The following CHAF1A variants were observed in gnomAD, a reference collection of about 807,000 sequenced individuals.
CHAF1A encodes CAF-1 subunit A.
A neutral mutation model predicts 93.2 loss-of-function variants in CHAF1A; 5 were observed. The ratio of observed to expected loss-of-function variants is 0.05; its 90% CI spans 0.03 to 0.11. The LOEUF (loss-of-function observed/expected upper bound fraction) is 0.11. Among genes scored for constraint, CHAF1A ranks in the 10% least tolerant of loss-of-function variants. The pLI is 1.00. For synonymous variants in CHAF1A, 504 were observed against 510.3 expected, an observed-to-expected ratio of 0.99 and a Z score of 0.17; for missense variants, 1,102 against 1,259.9, an observed-to-expected ratio of 0.87 and a Z score of 1.90.
At chr19:4,446,602 T>C (rs778453571), downstream of CHAF1A, 15 of 1,612,578 alleles carry the variant, frequency 9.3e-6, no homozygotes, top group Non-Finnish European at 8.5e-7. Flanking sequence ...GACGCGGCGC[T>C]GCCTGTCCAG....
At position 4,409,332 on chromosome 19, in the gene CHAF1A, A is replaced by G; in HGVS notation, c.533A>G (p.Asp178Gly). 6 of 1,614,142 alleles carry G rather than the reference A, an allele frequency of 3.7e-6. No homozygotes were observed. The highest frequency in any genetic ancestry group is 5.1e-6 in the Non-Finnish European group (6 of 1,180,016). ...KLAFPGETLS[D>G]IPCKTEEEGV... ...GCATTTCCTGGAGAGACCCTTTCAG[A>G]CATTCCTTGCAAAACAGAGGAGGAG... Residue 178 changes from aspartate to glycine, a missense_variant, in exon 3 of 15, where the codon GAC becomes GGC. Asp to Gly is a moderately conservative substitution (Grantham distance 94). Coordinates refer to ENST00000301280, the MANE Select transcript of CHAF1A (RefSeq NM_005483.3).
rs778846862 is a variant in CHAF1A, at chr19:4,422,836, T to C, written c.1247+41T>C. The C allele has an allele frequency of 6.3e-7, 1 of 1,588,474 alleles. No homozygotes were observed. The highest frequency in any genetic ancestry group is 1.1e-5 in the South Asian group (1 of 90,156). ...GGCCATGCTGGGCCCGCCACCCTGC[T>C]GCTGGATTCCGCTCCTGGCCACTCT... On this transcript the variant is annotated intron_variant, in intron 5 of 14. Transcript: ENST00000301280. The surrounding 1 kb of genome is among the most constrained non-coding windows in gnomAD (Gnocchi z 4.6).
rs1489967314 is a variant in CHAF1A, at chr19:4,402,748, G to C, written c.-15G>C. On this transcript the variant is annotated 5_prime_UTR_variant, in exon 1 of 15. Coordinates refer to ENST00000301280, the MANE Select transcript of CHAF1A (RefSeq NM_005483.3). ...CCTCCGCCGCCTGAGAGGAGGTCGA[G>C]CTGCCGCCGGGGCGATGCTGGAGGA... 3 of 1,201,742 alleles carry C rather than the reference G, an allele frequency of 2.5e-6. No individual in the cohort carries two copies. The highest frequency in any genetic ancestry group is 3.2e-5 in the African/African-American group (2 of 63,098). 74.4% of individuals were successfully genotyped at this position (1,201,742 alleles called of 1,614,324 possible). A position where few individuals can be genotyped will look rare whatever the true frequency, so the allele number is the denominator to read the frequency against.
chr19:4,429,226 C>T, intron 8 of CHAF1A: 1 of 622,900 alleles, frequency 1.6e-6, no homozygotes. Flanking sequence ...ACCTGGGCAG[C>T]TGTCCTCCCT....
chr19:4,433,415 A>C lies in CHAF1A; in HGVS notation c.2549A>C (p.Lys850Thr). The C allele has an allele frequency of 3.7e-6, 6 of 1,612,272 alleles. No individual in the cohort carries two copies. The highest frequency in any genetic ancestry group is 5.1e-6 in the Non-Finnish European group (6 of 1,178,672). The part of the protein sequence containing the change: ...SYVTSVPSAP[K>T]EDSGSVPSTG... ...GTGACATCGGTGCCCTCGGCCCCCAAAGAGGACAGTGGCAGCGTCCCCTCC... is the reference window on the plus strand; with the variant it reads ...GTGACATCGGTGCCCTCGGCCCCCACAGAGGACAGTGGCAGCGTCCCCTCC... The change falls in exon 13 of 15, where the codon AAA becomes ACA. Residue 850 changes from lysine (K) to threonine (T), a missense_variant. This residue lies in a region of CHAF1A where 76 missense variants were observed against 129.8 expected (regional missense o/e 0.59). Transcript: ENST00000301280. The surrounding 1 kb of genome is among the most constrained non-coding windows in gnomAD (Gnocchi z 5.6).
At chr19:4,423,765 C>T (rs374335815) in intron 6 of CHAF1A, 41 bp from the exon 7 acceptor site, 203 of 1,591,508 alleles carry the variant, frequency 1.3e-4, no homozygotes, top group Middle Eastern at 1.7e-4. Context: ...TACTGTTCCT[C>T]TTCCTCTCCT....
intron 1 of CHAF1A, among the ~76,000 whole-genome samples, chr19:4,405,624 A>ATT (rs900321444): frequency 1.4e-5 from 2 of 144,200 alleles, no homozygotes; most frequent in Non-Finnish European, 3.1e-5. Context: ...AAAAAAAAAA[A>ATT]TTTTTTTTTT....
rs1235053260 is a variant in CHAF1A, at chr19:4,433,571, C to T, written c.2673+32C>T. The T allele has an allele frequency of 6.8e-7, 1 of 1,461,244 alleles. No individual in the cohort carries two copies. Among genetic ancestry groups the T allele is most frequent in the Non-Finnish European group, 9.2e-7 (1 of 1,081,688 alleles). The allele number at this position is 1,461,244 out of a possible 1,614,324, so 90.5% of individuals were successfully genotyped here. On this transcript the variant is annotated intron_variant, in intron 13 of 14. Coordinates refer to ENST00000301280, the MANE Select transcript of CHAF1A (RefSeq NM_005483.3). This position sits in a 1 kb window ranked among gnomAD's most constrained non-coding sequence, Gnocchi z 5.6. ...TGGGGTGGGCAGGTGGGGGCCTCTG[C>T]AGGGCTTTTCTTTTTTTGTTTGTTT...
At chr19:4,424,617 A>G (rs1008881560) in intron 7 of CHAF1A, among the ~76,000 whole-genome samples, 7 of 151,810 alleles carry the variant, frequency 4.6e-5, no homozygotes, top group African/African-American at 1.7e-4. Context: ...GGCATGTGCC[A>G]CCATGCCTGG....
rs1039068901 is a variant in CHAF1A at position 4,434,060 on chromosome 19, C to T, written c.2673+521C>T. ...TGGTGCATTGGTTACAATCAGTGCACCTCAGGCCAGGCACTGTGGCTCACG... is the reference window on the plus strand; with the variant it reads ...TGGTGCATTGGTTACAATCAGTGCATCTCAGGCCAGGCACTGTGGCTCACG... On this transcript the variant is annotated intron_variant, in intron 13 of 14. Transcript: ENST00000301280. Among the ~76,000 whole-genome samples the T allele has an allele frequency of 3.0e-3, 456 of 152,200 alleles. 13 individuals are homozygous for T. The highest frequency in any genetic ancestry group is 5.1e-4 in the Non-Finnish European group (35 of 68,010).
intron 2 of CHAF1A, 140 bp from the exon 3 acceptor site, chr19:4,408,763 C>A: frequency 9.1e-7 from 1 of 1,097,914 alleles, no homozygotes; most frequent in Non-Finnish European, 1.3e-6. Context: ...CATGAGCCAC[C>A]ACACCCGGCC....
intron 12 of CHAF1A, 97 bp downstream of exon 12, chr19:4,432,304 A>C: frequency 7.3e-7 from 1 of 1,363,846 alleles, no homozygotes; most frequent in Non-Finnish European, 9.8e-7. Flanking sequence ...CCGTGATGCA[A>C]ATGTTCTTTC....
At chr19:4,411,823 T>C (rs1160968424) in intron 3 of CHAF1A, among the ~76,000 whole-genome samples, 10 of 151,414 alleles carry the variant, frequency 6.6e-5, no homozygotes, top group African/African-American at 2.4e-4. Flanking sequence ...AATTTTTGTA[T>C]CTTTTCAGTA....
intron 7 of CHAF1A, among the ~76,000 whole-genome samples, chr19:4,428,458 C>A (rs986817503): frequency 1.3e-5 from 2 of 152,166 alleles, no homozygotes; most frequent in African/African-American, 2.4e-5. Context: ...TCTGTCCCCC[C>A]ACCGCCGGCC....
rs376848664 is a variant in CHAF1A at position 4,428,771 on chromosome 19, G to A, written c.1485G>A (p.Leu495=). Residue 495 remains leucine, a synonymous_variant, in exon 8 of 15, where the codon CTG becomes CTA. Coordinates refer to ENST00000301280, the MANE Select transcript of CHAF1A (RefSeq NM_005483.3). ...TCCATCCAGACCTCTGCAGTCAGCTGGACCAGCTCCTCCAGCAGCAGAGCG... is the reference window on the plus strand; with the variant it reads ...TCCATCCAGACCTCTGCAGTCAGCTAGACCAGCTCCTCCAGCAGCAGAGCG... The part of the protein sequence containing the change: ...TAFHPDLCSQ[L]DQLLQQQSGE... The A allele has an allele frequency of 4.3e-6, 7 of 1,614,026 alleles. No homozygotes were observed. In the South Asian group the frequency reaches 5.5e-5, roughly 13 times the overall value.
At chr19:4,446,538 G>A (rs1245318782), downstream of CHAF1A, 10 of 1,611,944 alleles carry the variant, frequency 6.2e-6, no homozygotes, top group Non-Finnish European at 7.6e-6. Context: ...CTGCTGTGAG[G>A]TTGAAGAAGT....
At chr19:4,424,717 G>A (rs896405943) in intron 7 of CHAF1A, among the ~76,000 whole-genome samples, 2 of 152,056 alleles carry the variant, frequency 1.3e-5, no homozygotes, top group Non-Finnish European at 2.9e-5. Flanking sequence ...TCACTGCAAC[G>A]TCCACCTCCC....
chr19:4,427,814 C>T (rs1239598110), intron 7 of CHAF1A, among the ~76,000 whole-genome samples: 1 of 152,224 alleles, frequency 6.6e-6, no homozygotes, highest in East Asian at 1.9e-4. Context: ...TCTCGAACTC[C>T]TGAGCTCAGA....
At chr19:4,405,348 A>G (rs1973660269) in intron 1 of CHAF1A, among the ~76,000 whole-genome samples, 1 of 152,192 alleles carries the variant, frequency 6.6e-6, no homozygotes, top group Admixed American at 6.5e-5. Context: ...TTTGAGGCCA[A>G]GCGCCGTGGC....
Sources: allele counts gnomAD v4.1 joint callset (sites outside exome capture counted in the v4.1 genomes callset), GRCh38; gene constraint gnomAD v4.1.1; regional missense constraint gnomAD v4.1.1; non-coding constraint Gnocchi (gnomAD v3.1); transcripts MANE v1.5; gene names NCBI Gene and HGNC (gene_info 2026-07-23, HGNC 2026-07-21).